The following SLC9A2 variants were observed in gnomAD, a reference collection of about 807,000 sequenced individuals.
SLC9A2 encodes the protein sodium/hydrogen exchanger 2.
Under a neutral mutation model 71.7 loss-of-function variants are expected in SLC9A2, and 42 were observed. The observed-to-expected ratio is 0.59, with a 90% CI of 0.46 to 0.76. The LOEUF (loss-of-function observed/expected upper bound fraction) is 0.76, where lower values mean the gene tolerates loss of function less well. SLC9A2 is among the 30% of genes least tolerant of loss of function. The pLI is 0.00. For synonymous variants in SLC9A2, 396 were observed against 392.5 expected (o/e 1.01, Z -0.10); for missense variants, 829 against 1,017.4 (o/e 0.81, Z 2.52).
At chr2:102,635,756 C>A (rs1289943871) in intron 1 of SLC9A2, among the ~76,000 whole-genome samples, 1 of 152,214 alleles carries the variant, frequency 6.6e-6, no homozygotes, top group African/African-American at 2.4e-5. Flanking sequence ...TGTGTTACAA[C>A]TGACATTCAT....
rs1474211860 is a variant in SLC9A2 at position 102,684,186 on chromosome 2, C to T, written c.1275C>T (p.Thr425=). The change falls in exon 5 of 12, where the codon ACC becomes ACT. Residue 425 remains threonine (T), a synonymous_variant. Transcript: ENST00000233969. ...VINRFRTIPL[T]FKDQFIIAYG... ...ATAGGTTCCGGACCATTCCCCTGACCTTTAAGGACCAGTTCATCATTGCCT... is the reference window on the plus strand; with the variant it reads ...ATAGGTTCCGGACCATTCCCCTGACTTTTAAGGACCAGTTCATCATTGCCT... 2.5e-6 allele frequency: 4 copies of T among 1,614,052 alleles called. No individual in the cohort carries two copies. The Admixed American group carries it at 6.7e-5, about 27-fold the overall frequency.
At chr2:102,701,568 A>G (rs1217499167) in intron 8 of SLC9A2, among the ~76,000 whole-genome samples, 3 of 152,336 alleles carry the variant, frequency 2.0e-5, no homozygotes, top group Non-Finnish European at 2.9e-5. Flanking sequence ...GGTCAAGAAC[A>G]CTATAAATTC....
chr2:102,663,549 A>G (rs900637079), intron 2 of SLC9A2, among the ~76,000 whole-genome samples: 1 of 152,226 alleles, frequency 6.6e-6, no homozygotes, highest in Non-Finnish European at 1.5e-5. Context: ...ACTGCTTACC[A>G]GGCAGTATGA....
chr2:102,655,921 G>A (rs1380186361), intron 1 of SLC9A2, among the ~76,000 whole-genome samples: 1 of 152,198 alleles, frequency 6.6e-6, no homozygotes, highest in Non-Finnish European at 1.5e-5. Flanking sequence ...AGCCAGCAAG[G>A]CTGTGAGAAG....
intron 1 of SLC9A2, among the ~76,000 whole-genome samples, chr2:102,632,929 C>T (rs1286744352): frequency 1.3e-5 from 2 of 152,116 alleles, no homozygotes; most frequent in Non-Finnish European, 2.9e-5. Flanking sequence ...GTGACTCTGC[C>T]TCTGGCTGCT....
intron 3 of SLC9A2, among the ~76,000 whole-genome samples, chr2:102,675,616 TCAGA>T (rs1172565295): frequency 3.3e-5 from 5 of 151,832 alleles, no homozygotes. Context: ...AGGTAGAGAC[TCAGA>T]CAGGAAAAAA....
chr2:102,707,121 G>A (rs1269873997), intron 11 of SLC9A2, among the ~76,000 whole-genome samples: 1 of 152,080 alleles, frequency 6.6e-6, no homozygotes, highest in African/African-American at 2.4e-5. Context: ...CTGGGCAAGG[G>A]GCAAGGGTTG....
At chr2:102,654,428 T>A (rs1177521579) in intron 1 of SLC9A2, among the ~76,000 whole-genome samples, 1 of 152,162 alleles carries the variant, frequency 6.6e-6, no homozygotes, top group African/African-American at 2.4e-5. Context: ...TATTGGAGCC[T>A]TTTGTAGTAT....
chr2:102,689,317 T>G (rs1205141685), intron 5 of SLC9A2, among the ~76,000 whole-genome samples: 24 of 152,192 alleles, frequency 1.6e-4, no homozygotes, highest in Non-Finnish European at 5.9e-5. Context: ...TCAAGAGTGC[T>G]CATTGCTTGC....
intron 3 of SLC9A2, among the ~76,000 whole-genome samples, chr2:102,667,405 C>T (rs1032819304): frequency 8.5e-5 from 13 of 152,082 alleles, no homozygotes; most frequent in Non-Finnish European, 1.8e-4. Context: ...TGTTCTAGAA[C>T]CCACAAAGGA....
chr2:102,625,511 C>T (rs1014009350), intron 1 of SLC9A2, among the ~76,000 whole-genome samples: 9 of 149,404 alleles, frequency 6.0e-5, no homozygotes, highest in African/African-American at 2.2e-4. Flanking sequence ...TGATGTTCCC[C>T]TTCCTGTTTC....
chr2:102,649,218 T>C (rs1205345260), intron 1 of SLC9A2, among the ~76,000 whole-genome samples: 2 of 152,150 alleles, frequency 1.3e-5, no homozygotes, highest in East Asian at 3.8e-4. Context: ...AAACAAGTAA[T>C]GGGGAAATGA....
chr2:102,683,836 T>A (rs533347584), intron 4 of SLC9A2, among the ~76,000 whole-genome samples: 3 of 152,246 alleles, frequency 2.0e-5, no homozygotes, highest in Admixed American at 2.0e-4. Flanking sequence ...CTCTGTCTCT[T>A]GCTCTTCCCG....
intron 7 of SLC9A2, among the ~76,000 whole-genome samples, chr2:102,699,683 A>G (rs917025332): frequency 3.3e-5 from 5 of 152,204 alleles, no homozygotes; most frequent in Admixed American, 3.3e-4. Context: ...TGCCATAACC[A>G]AAGTACCACA....
intron 3 of SLC9A2, among the ~76,000 whole-genome samples, chr2:102,673,558 A>T (rs746454715): frequency 1.3e-5 from 2 of 152,146 alleles, no homozygotes; most frequent in Non-Finnish European, 2.9e-5. Context: ...GATTCTTCCA[A>T]ATCTACCTGA....
intron 4 of SLC9A2, among the ~76,000 whole-genome samples, chr2:102,683,730 C>T (rs1677498101): frequency 7.6e-6 from 1 of 131,840 alleles, no homozygotes; most frequent in South Asian, 2.9e-4. Context: ...TCTTCCTCAT[C>T]CTCCATCCTC....
intron 1 of SLC9A2, among the ~76,000 whole-genome samples, chr2:102,657,182 G>A (rs1173194614): frequency 6.6e-6 from 1 of 151,252 alleles, no homozygotes; most frequent in African/African-American, 2.4e-5. Flanking sequence ...CTCCAGCCCA[G>A]GTGACAGAGC....
rs200472482 is a variant in SLC9A2, at chr2:102,683,436, G to A, written c.1180G>A (p.Val394Ile). The A allele has an allele frequency of 2.5e-5, 40 of 1,614,196 alleles. No homozygotes were observed. The highest frequency in any genetic ancestry group is 1.2e-4 in the Admixed American group (7 of 60,024). ...GAACCACGAGTGGAACTGGGCCTTC[G>A]TCTGCTTCACCCTGGCCTTCTGCCT... is the stretch of plus-strand genomic sequence containing the variant. ...GKNHEWNWAF[V>I]CFTLAFCLMW... Residue 394 changes from valine to isoleucine, a missense_variant, in exon 4 of 12, where the codon GTC becomes ATC. Physicochemically the swap from Val to Ile is conservative, Grantham distance 29 (BLOSUM62 3). Transcript: ENST00000233969.
intron 1 of SLC9A2, among the ~76,000 whole-genome samples, chr2:102,645,589 A>G (rs1676705952): frequency 2.0e-5 from 3 of 150,430 alleles, no homozygotes; most frequent in African/African-American, 7.3e-5. Flanking sequence ...TAGAATAACC[A>G]GTTTAAAGAA....
Sources: gnomAD v4.1 joint callset for allele counts (sites outside exome capture counted in the v4.1 genomes callset) on GRCh38, gnomAD v4.1.1 for gene constraint, MANE v1.5 for transcripts, NCBI Gene and HGNC (gene_info 2026-07-23, HGNC 2026-07-21) for gene names.